CCNB3: variants seen among roughly 807,000 people sequenced by gnomAD.
CCNB3 encodes cyclin B3, also known as G2/mitotic-specific cyclin-B3.
A neutral mutation model predicts 68.0 loss-of-function variants in CCNB3; 12 were observed. The observed-to-expected ratio is 0.18, with a 90% CI of 0.11 to 0.29. The LOEUF is 0.29. CCNB3 is among the 10% of genes least tolerant of loss of function. The probability of loss-of-function intolerance (pLI) is 1.00; values close to 1 mark genes in which losing one functional copy is unlikely to be tolerated. For missense variants in CCNB3, 904 were observed against 993.1 expected (o/e 0.91, Z 1.21); for synonymous variants, 354 against 388.9 (o/e 0.91, Z 1.06).
chrX:50,336,612 G>A (rs781951730), intron 8 of CCNB3, among the ~76,000 whole-genome samples: 2 of 111,882 alleles, frequency 1.8e-5, no homozygotes. Context: ...TCACACAGTC[G>A]TTCATAGAAT....
At position 50,308,575 on chromosome X, in the gene CCNB3, A is replaced by G. The variant is rs1465208278; in HGVS notation, c.406A>G (p.Ile136Val). 6 of 1,207,737 alleles carry G rather than the reference A, an allele frequency of 5.0e-6. No individual in the cohort carries two copies. The highest frequency in any genetic ancestry group is 3.5e-5 in the African/African-American group (2 of 57,150). The stretch of plus-strand genomic sequence containing the variant: ...ACCAAACATTATGGAGAAACCACTC[A>G]TTCTAGACATATCCACCACCTCCAA... ...VVPNIMEKPL[I>V]LDISTTSKTP... The change falls in exon 6 of 13, where the codon ATT (isoleucine) becomes GTT (valine). Residue 136 changes from isoleucine (I) to valine (V), a missense_variant. Coordinates refer to ENST00000376042, the MANE Select transcript of CCNB3 (RefSeq NM_033031.3).
chrX:50,211,333 A>G (rs1935479910), intron 1 of CCNB3, among the ~76,000 whole-genome samples: 2 of 111,212 alleles, frequency 1.8e-5, no homozygotes. Context: ...AAAAATCTTT[A>G]TCCTGCCCTG....
In CCNB3 at chrX:50,351,334, G is replaced by A; in HGVS notation, c.4054G>A (p.Asp1352Asn). 1 of 1,211,048 alleles carries A rather than the reference G, an allele frequency of 8.3e-7. No individual in the cohort carries two copies. The highest frequency in any genetic ancestry group is 1.8e-5 in the South Asian group (1 of 56,961). Residue 1352 changes from aspartate to asparagine, a missense_variant, in exon 12 of 13, where the codon GAT becomes AAT. Physicochemically the swap from Asp to Asn is conservative, Grantham distance 23 (BLOSUM62 1). This residue lies in a region of CCNB3 where 285 missense variants were observed against 383.4 expected (regional missense o/e 0.74). Transcript: ENST00000376042. ...LNKLLTFSSY[D>N]SLKAVYYKYS... ...CAAACTGCTGACTTTCAGTTCTTAC[G>A]ATAGTCTCAAGGCTGTGTATTACAA...
intron 8 of CCNB3, among the ~76,000 whole-genome samples, chrX:50,315,543 G>T (rs193109576): frequency 9.0e-6 from 1 of 111,662 alleles, no homozygotes; most frequent in African/African-American, 3.2e-5. Context: ...TAGTGTCATG[G>T]TCAGGAAATG....
chrX:50,226,313 TA>T (rs1375027831), intron 1 of CCNB3, among the ~76,000 whole-genome samples: 1 of 54,664 alleles, frequency 1.8e-5, no homozygotes, highest in Non-Finnish European at 3.1e-5. Flanking sequence ...TAGAAATATA[TA>T]AACATATATA....
At chrX:50,215,242 G>T (rs1367710065) in intron 1 of CCNB3, among the ~76,000 whole-genome samples, 1 of 110,822 alleles carries the variant, frequency 9.0e-6, no homozygotes, top group East Asian at 2.8e-4. Flanking sequence ...ACCCGCCTCG[G>T]CCTCCCAAAG....
At chrX:50,226,114 A>G (rs1160608157) in intron 1 of CCNB3, among the ~76,000 whole-genome samples, 1 of 81,780 alleles carries the variant, frequency 1.2e-5, no homozygotes, top group African/African-American at 4.6e-5. Context: ...ATGTATAAAT[A>G]TATATATATT....
chrX:50,224,613 G>T (rs1935725131), intron 1 of CCNB3, among the ~76,000 whole-genome samples: 1 of 111,769 alleles, frequency 8.9e-6, no homozygotes, highest in African/African-American at 3.2e-5. Context: ...CTGTTGTTTT[G>T]GTGGATAGAC....
At chrX:50,325,456 G>GA (rs1197946996) in intron 8 of CCNB3, among the ~76,000 whole-genome samples, 1 of 112,264 alleles carries the variant, frequency 8.9e-6, no homozygotes, top group African/African-American at 3.2e-5. Context: ...TTATGCAAAT[G>GA]AAAAATTCAA....
intron 1 of CCNB3, among the ~76,000 whole-genome samples, chrX:50,223,022 C>A (rs1443753444): frequency 9.1e-6 from 1 of 110,153 alleles, no homozygotes; most frequent in Non-Finnish European, 1.9e-5. Flanking sequence ...GATCTTCAAT[C>A]TCTGATATCC....
At chrX:50,347,105 A>T (rs1483050871) in intron 10 of CCNB3, among the ~76,000 whole-genome samples, 3 of 111,197 alleles carry the variant, frequency 2.7e-5, no homozygotes, top group African/African-American at 9.8e-5. Flanking sequence ...TTGTGGGGGG[A>T]TGCTGGCAAT....
At chrX:50,302,925 G>T (rs1237760054) in intron 5 of CCNB3, among the ~76,000 whole-genome samples, 1 of 111,424 alleles carries the variant, frequency 9.0e-6, no homozygotes, top group Non-Finnish European at 1.9e-5. Context: ...TTGAATATTT[G>T]TGTATACCTT....
In CCNB3 at chrX:50,309,210, G is replaced by A. The variant is rs1557214107; in HGVS notation, c.1041G>A (p.Lys347=). 1 of 1,210,009 alleles carries A rather than the reference G, an allele frequency of 8.3e-7. No individual in the cohort carries two copies. Among genetic ancestry groups the A allele is most frequent in the South Asian group, 1.8e-5 (1 of 56,864 alleles). ...HTTEHEMSIL[K]KSLALQKTNF... The stretch of plus-strand genomic sequence containing the variant: ...CTGAGCATGAGATGTCCATCTTGAA[G>A]AAATCATTGGCCTTGCAGAAGACCA... The change falls in exon 6 of 13, where the codon AAG becomes AAA. Residue 347 remains lysine (K), a synonymous_variant. Transcript: ENST00000376042.
intron 8 of CCNB3, among the ~76,000 whole-genome samples, chrX:50,333,983 C>A (rs1922728478): frequency 8.9e-6 from 1 of 111,958 alleles, no homozygotes; most frequent in Admixed American, 9.4e-5. Context: ...GTTCCATGCA[C>A]TTGGAGGGTT....
In CCNB3 at chrX:50,346,794, G is replaced by A. The variant is rs147272111; in HGVS notation, c.3797G>A (p.Arg1266His). Residue 1266 changes from arginine (R) to histidine (H), a missense_variant, in exon 10 of 13, where the codon CGC becomes CAC. By Grantham distance (29) the Arg-to-His change is conservative. Around this residue, in one of 2 missense-constraint regions of CCNB3, gnomAD observed 285 missense variants for 383.4 expected, o/e 0.74. Coordinates refer to ENST00000376042, the MANE Select transcript of CCNB3 (RefSeq NM_033031.3). ...ATTCCCATCGCCTACCATTTTCTGC[G>A]CAGATATGCTAGGGTAAGAGAGAAG... is the stretch of plus-strand genomic sequence containing the variant. ...INIPIAYHFLRRYARCIHTNM... is the reference protein window; with the variant it reads ...INIPIAYHFLHRYARCIHTNM... 5.4e-5 allele frequency: 65 copies of A among 1,208,688 alleles called. No individual in the cohort carries two copies. In the East Asian group the frequency reaches 1.2e-3, roughly 21 times the overall value.
At position 50,309,443 on chromosome X, in the gene CCNB3, C is replaced by A; in HGVS notation, c.1274C>A (p.Ser425Tyr). The A allele has an allele frequency of 8.3e-7, 1 of 1,211,193 alleles. No homozygotes were observed. The highest frequency in any genetic ancestry group is 1.1e-6 in the Non-Finnish European group (1 of 895,170). ...CCATTGTCCATTAAAGAAAAGCCAT[C>A]TACTGAGAAGGAGTCCTTTTCCCAG... Reference protein sequence around the residue: ...MKPLSIKEKPSTEKESFSQEP... With the variant: ...MKPLSIKEKPYTEKESFSQEP... The change falls in exon 6 of 13, where the codon TCT becomes TAT. Residue 425 changes from serine (S) to tyrosine (Y), a missense_variant. By Grantham distance (144) the Ser-to-Tyr change is moderately radical. Coordinates refer to ENST00000376042, the MANE Select transcript of CCNB3 (RefSeq NM_033031.3).
chrX:50,225,797 T>A (rs1935745726), intron 1 of CCNB3, among the ~76,000 whole-genome samples: 1 of 107,313 alleles, frequency 9.3e-6, no homozygotes, highest in South Asian at 4.0e-4. Context: ...GCTTGACAAT[T>A]CAAAGTTCTA....
intron 1 of CCNB3, among the ~76,000 whole-genome samples, chrX:50,217,190 A>T (rs1935584625): frequency 1.1e-5 from 1 of 93,420 alleles, no homozygotes. Flanking sequence ...TTTCTATTCT[A>T]TTGGGGTAGA....
intron 8 of CCNB3, among the ~76,000 whole-genome samples, chrX:50,321,124 A>T (rs1391983477): frequency 8.9e-6 from 1 of 112,066 alleles, no homozygotes; most frequent in Non-Finnish European, 1.9e-5. Flanking sequence ...AAAGATGCAC[A>T]TGAAAAATTT....
Sources: gnomAD v4.1 joint callset for allele counts (sites outside exome capture counted in the v4.1 genomes callset) on GRCh38, gnomAD v4.1.1 for gene constraint, gnomAD v4.1.1 regional missense constraint, MANE v1.5 for transcripts, NCBI Gene and HGNC (gene_info 2026-07-23, HGNC 2026-07-21) for gene names.